The following MAGI2 variants were observed in gnomAD, a reference collection of about 807,000 sequenced individuals.
MAGI2 encodes the protein membrane associated guanylate kinase, WW and PDZ domain containing 2.
In MAGI2, 35 loss-of-function variants were observed where a neutral mutation model predicts 133.3. That is an observed-to-expected ratio of 0.26 (90% CI 0.20 to 0.35). MAGI2 has a LOEUF of 0.35. Among genes scored for constraint, MAGI2 ranks in the 10% least tolerant of loss-of-function variants. MAGI2 has a pLI of 1.00. For synonymous variants in MAGI2, 729 were observed against 710.6 expected (o/e 1.03, Z -0.41); for missense variants, 1,636 against 1,863.4 (o/e 0.88, Z 2.25).
At chr7:78,990,059 A>T (rs146149321) in intron 2 of MAGI2, among the ~76,000 whole-genome samples, 211 of 152,170 alleles carry the variant, frequency 1.4e-3, no homozygotes, top group Admixed American at 2.8e-3. Flanking sequence ...CTACATAAGG[A>T]CTTGTAACAA....
intron 3 of MAGI2, among the ~76,000 whole-genome samples, chr7:78,608,654 A>G (rs1806096711): frequency 6.6e-6 from 1 of 152,046 alleles, no homozygotes; most frequent in Admixed American, 6.6e-5. Flanking sequence ...TGGTATGCCT[A>G]TGTTGATTTA....
At chr7:79,068,310 A>G (rs753666193) in intron 1 of MAGI2, among the ~76,000 whole-genome samples, 2 of 152,178 alleles carry the variant, frequency 1.3e-5, no homozygotes, top group African/African-American at 2.4e-5. Context: ...CAGGGATTCA[A>G]CGTCTTCCTG....
chr7:79,335,137 C>T (rs1172866806), intron 1 of MAGI2, among the ~76,000 whole-genome samples: 2 of 151,978 alleles, frequency 1.3e-5, no homozygotes, highest in African/African-American at 4.8e-5. Context: ...GGGGGAGATC[C>T]CCCTCTAAAG....
chr7:78,870,438 T>C (rs1584227325), intron 2 of MAGI2, among the ~76,000 whole-genome samples: 1 of 150,038 alleles, frequency 6.7e-6, no homozygotes, highest in South Asian at 2.1e-4. Flanking sequence ...CCAAAAAATA[T>C]ACAAAAAAAT....
intron 1 of MAGI2, among the ~76,000 whole-genome samples, chr7:79,178,544 T>C (rs1214537333): frequency 6.6e-6 from 1 of 151,792 alleles, no homozygotes; most frequent in East Asian, 1.9e-4. Flanking sequence ...AAACCCCGCC[T>C]CTACTGAAAA....
intron 2 of MAGI2, among the ~76,000 whole-genome samples, chr7:78,973,315 G>A (rs1326992261): frequency 6.6e-6 from 1 of 151,612 alleles, no homozygotes; most frequent in Non-Finnish European, 1.5e-5. Flanking sequence ...CTTTTGCCTT[G>A]ATTGGGTGTT....
At chr7:78,668,572 A>C (rs938593152) in intron 2 of MAGI2, among the ~76,000 whole-genome samples, 1 of 151,602 alleles carries the variant, frequency 6.6e-6, no homozygotes, top group African/African-American at 2.4e-5. Context: ...ATTTTTGTAT[A>C]AGGTGTAAGG....
At chr7:79,113,404 C>T (rs1026843370) in intron 1 of MAGI2, among the ~76,000 whole-genome samples, 1 of 152,130 alleles carries the variant, frequency 6.6e-6, no homozygotes, top group Non-Finnish European at 1.5e-5. Context: ...GTTGGTTATA[C>T]CGTCTGATTA....
intron 9 of MAGI2, among the ~76,000 whole-genome samples, chr7:78,332,518 G>A (rs1468648791): frequency 6.6e-6 from 1 of 151,950 alleles, no homozygotes; most frequent in African/African-American, 2.4e-5. Flanking sequence ...CTAAAATGGT[G>A]AAATCCCATC....
At chr7:78,594,106 A>G (rs1333666819) in intron 3 of MAGI2, among the ~76,000 whole-genome samples, 1 of 152,088 alleles carries the variant, frequency 6.6e-6, no homozygotes, top group East Asian at 1.9e-4. Flanking sequence ...CCTTCAACCA[A>G]CCTATATCCC....
At chr7:79,177,563 T>C (rs2129549975) in intron 1 of MAGI2, among the ~76,000 whole-genome samples, 1 of 152,178 alleles carries the variant, frequency 6.6e-6, no homozygotes, top group East Asian at 1.9e-4. Context: ...ACTATTTCAA[T>C]TGTTGCAATT....
At position 78,893,212 on chromosome 7, in the gene MAGI2, T is replaced by G. The variant is rs558495938; in HGVS notation, c.418+113878A>C. On this transcript the variant is annotated intron_variant, in intron 2 of 21. Coordinates refer to ENST00000354212, the MANE Select transcript of MAGI2 (RefSeq NM_012301.4). ...CTCACACCAGTTAGAATGGCAATCA[T>G]TAAAAAGTCAGGAAACAACAGGTGC... is the stretch of plus-strand genomic sequence containing the variant. 5.9e-5 allele frequency among the ~76,000 whole-genome samples: 9 copies of G among 152,108 alleles called. No individual in the cohort carries two copies. In the East Asian group the frequency reaches 1.7e-3, roughly 29 times the overall value.
chr7:79,361,094 A>G (rs2129122580), intron 1 of MAGI2, among the ~76,000 whole-genome samples: 1 of 152,356 alleles, frequency 6.6e-6, no homozygotes, highest in East Asian at 1.9e-4. Flanking sequence ...TAGACTTCAC[A>G]GAAAAGATAA....
rs1302532517 is a variant in MAGI2 at position 79,157,941 on chromosome 7, A to AGTGAGTGAGT, written c.302-150736_302-150735insACTCACTCAC. Among the ~76,000 whole-genome samples the AGTGAGTGAGT allele has an allele frequency of 1.8e-3, 237 of 134,960 alleles. 2 individuals carry two copies. Among genetic ancestry groups the AGTGAGTGAGT allele is most frequent in the African/African-American group, 7.2e-3 (223 of 30,854 alleles). 88.5% of individuals were successfully genotyped at this position (134,960 alleles called of 152,430 possible). ...GTAAATGCTACAGAATCTTTGTGTG[A>AGTGAGTGAGT]GTGTGTGTGTGTGTGTGTGTGTGTG... On this transcript the variant is annotated intron_variant, in intron 1 of 21. Transcript: ENST00000354212.
intron 1 of MAGI2, among the ~76,000 whole-genome samples, chr7:79,416,396 G>T (rs999227589): frequency 7.3e-5 from 11 of 151,632 alleles, no homozygotes; most frequent in African/African-American, 2.7e-4. Flanking sequence ...AGGAAGGGGG[G>T]AAGAAAGGAA....
intron 1 of MAGI2, among the ~76,000 whole-genome samples, chr7:79,348,417 T>G (rs1389790642): frequency 6.6e-6 from 1 of 151,880 alleles, no homozygotes; most frequent in African/African-American, 2.4e-5. Context: ...ATTTATTAAA[T>G]TTTTTGATGC....
chr7:79,081,108 C>T (rs1815999660), intron 1 of MAGI2, among the ~76,000 whole-genome samples: 1 of 152,088 alleles, frequency 6.6e-6, no homozygotes, highest in African/African-American at 2.4e-5. Flanking sequence ...CTTACATGCC[C>T]AATTTGACAG....
chr7:78,906,497 T>C (rs1798002600), intron 2 of MAGI2, among the ~76,000 whole-genome samples: 1 of 152,224 alleles, frequency 6.6e-6, no homozygotes, highest in Admixed American at 6.5e-5. Context: ...ACATCTGTGC[T>C]TCAATAGTTA....
At chr7:79,315,014 T>C (rs552772452) in intron 1 of MAGI2, among the ~76,000 whole-genome samples, 1 of 152,282 alleles carries the variant, frequency 6.6e-6, no homozygotes, top group East Asian at 1.9e-4. Flanking sequence ...AATAAATCAC[T>C]TATTGTTTAG....
Sources: allele counts gnomAD v4.1 joint callset (sites outside exome capture counted in the v4.1 genomes callset), GRCh38; gene constraint gnomAD v4.1.1; transcripts MANE v1.5; gene names NCBI Gene and HGNC (gene_info 2026-07-23, HGNC 2026-07-21).